Variants in PCDHAC1 observed in about 807,000 individuals in gnomAD.
PCDHAC1 encodes protocadherin alpha subfamily C, 1.
Under a neutral mutation model 60.0 loss-of-function variants are expected in PCDHAC1, and 42 were observed. That is an observed-to-expected ratio of 0.70 (90% CI 0.55 to 0.90). PCDHAC1 has a LOEUF of 0.90. Ranked by LOEUF, PCDHAC1 falls within the 40% of genes least tolerant of loss-of-function variation. PCDHAC1 has a pLI of 0.00. For synonymous variants in PCDHAC1, 468 were observed against 499.3 expected, an observed-to-expected ratio of 0.94 and a Z score of 0.84; for missense variants, 1,160 against 1,222.3, an observed-to-expected ratio of 0.95 and a Z score of 0.76.
chr5:140,928,262 A>T lies in PCDHAC1; in HGVS notation c.1370A>T (p.Asn457Ile), dbSNP rs199571652. ...QPQQELFVAENNGPGASLGRV... is the reference protein window; with the variant it reads ...QPQQELFVAEINGPGASLGRV... ...CAGCAGGAACTTTTCGTTGCTGAAA[A>T]CAATGGCCCTGGGGCCTCTCTAGGC... is the stretch of plus-strand genomic sequence containing the variant. The change falls in exon 1 of 4, where the codon AAC (asparagine) becomes ATC (isoleucine). Residue 457 changes from asparagine (N) to isoleucine (I), a missense_variant. By Grantham distance (149) the Asn-to-Ile change is moderately radical. This residue lies in a region of PCDHAC1 where 1,113 missense variants were observed against 1,163.7 expected (regional missense o/e 0.96). Coordinates refer to ENST00000253807, the MANE Select transcript of PCDHAC1 (RefSeq NM_018898.5). 20 of 1,614,214 alleles carry T rather than the reference A, an allele frequency of 1.2e-5. No homozygotes were observed. In the Admixed American group the frequency reaches 2.2e-4, roughly 17 times the overall value.
chr5:140,933,050 C>T (rs2088825990), intron 1 of PCDHAC1, among the ~76,000 whole-genome samples: 1 of 152,018 alleles, frequency 6.6e-6, no homozygotes, highest in Admixed American at 6.5e-5. Context: ...GGATTACAGT[C>T]CAGGATCCTG....
chr5:140,972,700 T>C (rs1353443535), intron 1 of PCDHAC1, among the ~76,000 whole-genome samples: 3 of 147,702 alleles, frequency 2.0e-5, no homozygotes, highest in African/African-American at 7.5e-5. Context: ...AGTCTCACTC[T>C]GTTGCCAGGC....
rs199624636 is a variant in PCDHAC1, at chr5:141,009,721, C to T, written c.2676C>T (p.Ser892=). The change falls in exon 4 of 4, where the codon TCC becomes TCT. Residue 892 remains serine (S), a synonymous_variant. Coordinates refer to ENST00000253807, the MANE Select transcript of PCDHAC1 (RefSeq NM_018898.5). ...FKYGPGNPKQ[S]GPGELPDKFI... ...ACGGACCAGGCAACCCCAAACAATCCGGTCCCGGTGAGTTGCCCGACAAAT... is the reference window on the plus strand; with the variant it reads ...ACGGACCAGGCAACCCCAAACAATCTGGTCCCGGTGAGTTGCCCGACAAAT... 1.3e-5 allele frequency: 21 copies of T among 1,614,012 alleles called. No individual in the cohort carries two copies. The highest frequency in any genetic ancestry group is 1.7e-5 in the Non-Finnish European group (20 of 1,180,038).
chr5:140,926,929 G>A lies in PCDHAC1; in HGVS notation c.37G>A (p.Val13Ile), dbSNP rs1554203825. The A allele has an allele frequency of 6.3e-7, 1 of 1,575,722 alleles. No homozygotes were observed. Among genetic ancestry groups the A allele is most frequent in the South Asian group, 1.2e-5 (1 of 85,114 alleles). Residue 13 changes from valine (V) to isoleucine (I), a missense_variant, in exon 1 of 4, where the codon GTT becomes ATT. Val to Ile is a conservative substitution (Grantham distance 29). Transcript: ENST00000253807. ...GCGVAVLCLW[V>I]SCGAAAGQLE... ...TGGGGTGGCAGTTTTATGTTTGTGG[G>A]TTTCCTGCGGCGCTGCAGCGGGACA...
chr5:140,994,747 G>A (rs2097648455), intron 3 of PCDHAC1, among the ~76,000 whole-genome samples: 1 of 152,152 alleles, frequency 6.6e-6, no homozygotes, highest in Non-Finnish European at 1.5e-5. Context: ...ATGGCAAGTA[G>A]GATGTGGAGA....
intron 1 of PCDHAC1, chr5:140,969,368 G>A: frequency 6.2e-7 from 1 of 1,608,874 alleles, no homozygotes; most frequent in Non-Finnish European, 8.5e-7. Flanking sequence ...ACAAACTCAT[G>A]CATTTGTTAC....
rs200890211 is a variant in PCDHAC1 at position 140,927,915 on chromosome 5, C to T, written c.1023C>T (p.Asp341=). The change falls in exon 1 of 4, where the codon GAC becomes GAT. Residue 341 remains aspartate, a synonymous_variant. Coordinates refer to ENST00000253807, the MANE Select transcript of PCDHAC1 (RefSeq NM_018898.5). ...TDVNDHAPEL[D]FLTLSNPVPE... is the part of the protein sequence containing the mutation. ...TGAACGATCATGCCCCCGAACTGGA[C>T]TTCCTGACTCTTTCGAACCCAGTAC... The T allele has an allele frequency of 4.3e-6, 7 of 1,614,120 alleles. No homozygotes were observed. Among genetic ancestry groups the T allele is most frequent in the Admixed American group, 3.3e-5 (2 of 60,012 alleles).
rs199902550 is a variant in PCDHAC1 at position 140,965,368 on chromosome 5, A to C, written c.2434-13581A>C. On this transcript the variant is annotated intron_variant, in intron 1 of 3. Transcript: ENST00000253807. ...TTGCCTCTATAGCAGTACAAGAGGAAACTTGGGGACACAGAAGAACAGAAG... is the reference window on the plus strand; with the variant it reads ...TTGCCTCTATAGCAGTACAAGAGGACACTTGGGGACACAGAAGAACAGAAG... 8.5e-5 allele frequency among the ~76,000 whole-genome samples: 13 copies of C among 152,290 alleles called. No homozygotes were observed. The East Asian group carries it at 2.5e-3, about 29-fold the overall frequency.
At chr5:140,948,903 CTTAGGTAACTGA>C (rs1213410342) in intron 1 of PCDHAC1, among the ~76,000 whole-genome samples, 1 of 151,196 alleles carries the variant, frequency 6.6e-6, no homozygotes, top group Non-Finnish European at 1.5e-5. Context: ...TAAGTGGATT[CTTAGGTAACTGA>C]TTAGGTAACT....
chr5:141,000,395 C>CTCTCTATA (rs1213762225), intron 3 of PCDHAC1, among the ~76,000 whole-genome samples: 1 of 53,986 alleles, frequency 1.9e-5, no homozygotes, highest in Non-Finnish European at 3.2e-5. Flanking sequence ...CTCTCTCTCT[C>CTCTCTATA]TATATATATA....
In PCDHAC1 at chr5:140,982,542, A is replaced by T; in HGVS notation, c.2560A>T (p.Thr854Ser). 6.2e-7 allele frequency: 1 copy of T among 1,614,210 alleles called. No individual in the cohort carries two copies. Among genetic ancestry groups the T allele is most frequent in the Non-Finnish European group, 8.5e-7 (1 of 1,180,042 alleles). The change falls in exon 3 of 4, where the codon ACA becomes TCA. Residue 854 changes from threonine (T) to serine (S), a missense_variant. This residue lies in a region of PCDHAC1 where 1,113 missense variants were observed against 1,163.7 expected (regional missense o/e 0.96). Transcript: ENST00000253807. ...AGGAGGGCCTGATCAGCAGTGGCCA[A>T]CAGTATCCAGTGCAACACCAGGTAA... is the stretch of plus-strand genomic sequence containing the variant. The part of the protein sequence containing the change: ...GPGGPDQQWP[T>S]VSSATPEPEA...
In PCDHAC1 at chr5:140,928,571, C is replaced by T. The variant is rs369670852; in HGVS notation, c.1679C>T (p.Pro560Leu). Residue 560 changes from proline (P) to leucine (L), a missense_variant, in exon 1 of 4, where the codon CCC (proline) becomes CTC (leucine). Transcript: ENST00000253807. Reference protein sequence around the residue: ...DNYPVILFPLPRNGSVPVEIV... With the variant: ...DNYPVILFPLLRNGSVPVEIV... The stretch of plus-strand genomic sequence containing the variant: ...TATCCGGTTATCTTGTTTCCCTTGC[C>T]CAGAAATGGTTCTGTCCCAGTGGAA... 6.2e-7 allele frequency: 1 copy of T among 1,614,180 alleles called. No individual in the cohort carries two copies. Among genetic ancestry groups the T allele is most frequent in the East Asian group, 2.2e-5 (1 of 44,886 alleles).
chr5:140,957,614 T>C (rs1208546101), intron 1 of PCDHAC1, among the ~76,000 whole-genome samples: 6 of 152,134 alleles, frequency 3.9e-5, no homozygotes, highest in African/African-American at 1.4e-4. Flanking sequence ...CACAGACATA[T>C]ACATGCACAC....
At chr5:140,931,021 G>C (rs2153606770) in intron 1 of PCDHAC1, among the ~76,000 whole-genome samples, 1 of 152,272 alleles carries the variant, frequency 6.6e-6, no homozygotes, top group Admixed American at 6.5e-5. Flanking sequence ...GGAATTTTCT[G>C]ATTGTAGAGC....
intron 1 of PCDHAC1, chr5:140,930,393 CTT>C (rs879960332): frequency 4.1e-5 from 6 of 145,282 alleles, no homozygotes; most frequent in Admixed American, 6.9e-5. Flanking sequence ...TTCAAAACTT[CTT>C]TTTTTTTTTT....
rs908218007 is a variant in PCDHAC1 at position 140,929,518 on chromosome 5, T to C, written c.2433+193T>C. On this transcript the variant is annotated intron_variant, in intron 1 of 3. Transcript: ENST00000253807. ...ATTGCCCTAGGCCTCAAGGGACTTA[T>C]AGTTTATTTTTGAGAAACAAGGGCA... 7 of 753,028 alleles carry C rather than the reference T, an allele frequency of 9.3e-6. No homozygotes were observed. The Admixed American group carries it at 1.2e-4, about 13-fold the overall frequency. The allele number at this position is 753,028 out of a possible 1,614,324, so 46.6% of individuals were successfully genotyped here. A position where few individuals can be genotyped will look rare whatever the true frequency, so the allele number is the denominator to read the frequency against.
intron 1 of PCDHAC1, among the ~76,000 whole-genome samples, chr5:140,953,819 G>A (rs782420849): frequency 1.3e-5 from 2 of 151,904 alleles, no homozygotes; most frequent in Non-Finnish European, 1.5e-5. Context: ...GCATGTGCTA[G>A]TTGTGCAGGT....
chr5:140,981,670 C>T (rs1389601276), intron 2 of PCDHAC1, among the ~76,000 whole-genome samples: 8 of 152,070 alleles, frequency 5.3e-5, no homozygotes, highest in Non-Finnish European at 1.0e-4. Context: ...TCCTTCCTTT[C>T]TTCCTTCCTC....
chr5:141,010,233 G>C lies in PCDHAC1; in HGVS notation c.*296G>C, dbSNP rs1156230400. ...AAGGAGAGGCTTCCCAGCCCCGCCA[G>C]TGAGAGGTTGGACTCTCTGCCCTGT... On this transcript the variant is annotated 3_prime_UTR_variant, in exon 4 of 4. Transcript: ENST00000253807. 1.9e-6 allele frequency: 3 copies of C among 1,551,812 alleles called. No homozygotes were observed. The highest frequency in any genetic ancestry group is 2.6e-6 in the Non-Finnish European group (3 of 1,147,042).
Sources: allele counts gnomAD v4.1 joint callset (sites outside exome capture counted in the v4.1 genomes callset), GRCh38; gene constraint gnomAD v4.1.1; regional missense constraint gnomAD v4.1.1; transcripts MANE v1.5; gene names NCBI Gene and HGNC (gene_info 2026-07-23, HGNC 2026-07-21).